Variants in CREB5 observed in about 807,000 individuals in gnomAD.
CREB5 encodes cyclic AMP-responsive element-binding protein 5.
Under a neutral mutation model 57.1 loss-of-function variants are expected in CREB5, and 19 were observed. That is an observed-to-expected ratio of 0.33 (90% CI 0.23 to 0.49). The LOEUF is 0.49. CREB5 is among the 20% of genes least tolerant of loss of function. The pLI is 0.99. For synonymous variants in CREB5, 238 were observed against 238.3 expected, an observed-to-expected ratio of 1.00 and a Z score of 0.01; for missense variants, 579 against 671.6, an observed-to-expected ratio of 0.86 and a Z score of 1.52.
intron 5 of CREB5, among the ~76,000 whole-genome samples, chr7:28,708,012 C>G (rs928742909): frequency 3.3e-5 from 5 of 152,184 alleles, no homozygotes; most frequent in African/African-American, 1.2e-4. Context: ...CACACCTCCC[C>G]CTTCTCCCCA....
intron 5 of CREB5, among the ~76,000 whole-genome samples, chr7:28,658,784 C>A (rs969605523): frequency 6.6e-5 from 10 of 151,678 alleles, no homozygotes; most frequent in Admixed American, 3.3e-4. Context: ...CTGACAGCTG[C>A]TGCACAACTG....
rs554663588 is a variant in CREB5 at position 28,393,792 on chromosome 7, G to A, written c.-25+94351G>A. 2.2e-4 allele frequency among the ~76,000 whole-genome samples: 34 copies of A among 152,074 alleles called. 1 individual carries two copies. The Middle Eastern group carries it at 0.014, about 61-fold the overall frequency. On this transcript the variant is annotated intron_variant, in intron 1 of 9. Transcript: ENST00000396299. ...ATGGTGTAGTGTTAAAGTGGACTTGGGACTGGGCGCGGTGGCTCACGCCTG... is the reference window on the plus strand; with the variant it reads ...ATGGTGTAGTGTTAAAGTGGACTTGAGACTGGGCGCGGTGGCTCACGCCTG...
intron 5 of CREB5, among the ~76,000 whole-genome samples, chr7:28,583,569 A>G (rs1012120164): frequency 2.6e-5 from 4 of 152,216 alleles, no homozygotes; most frequent in African/African-American, 7.2e-5. Context: ...GGCAGGGTAC[A>G]CTTACACATG....
intron 6 of CREB5, 53 bp downstream of exon 6, chr7:28,718,932 C>A: frequency 1.2e-6 from 2 of 1,610,782 alleles, no homozygotes; most frequent in South Asian, 2.2e-5. Context: ...TGAGGTTTGC[C>A]ACTCTTGAAA....
chr7:28,563,160 T>G (rs4719941), intron 4 of CREB5, among the ~76,000 whole-genome samples: 31,091 of 152,098 alleles, frequency 0.2, 3,585 homozygotes, highest in East Asian at 0.48. Flanking sequence ...TGTTAGCCAT[T>G]ATTAATATTA....
At chr7:28,755,313 T>C (rs1265211599) in intron 7 of CREB5, among the ~76,000 whole-genome samples, 1 of 152,216 alleles carries the variant, frequency 6.6e-6, no homozygotes, top group East Asian at 1.9e-4. Context: ...AGGGTATTGG[T>C]GCCGTATTTA....
intron 7 of CREB5, among the ~76,000 whole-genome samples, chr7:28,740,115 G>T (rs1448251448): frequency 1.3e-5 from 2 of 152,182 alleles, no homozygotes; most frequent in Non-Finnish European, 2.9e-5. Context: ...TGATATGTAG[G>T]TTGGAAACTG....
chr7:28,661,990 T>G (rs1458145742), intron 5 of CREB5, among the ~76,000 whole-genome samples: 1 of 152,228 alleles, frequency 6.6e-6, no homozygotes, highest in Non-Finnish European at 1.5e-5. Context: ...TTTGTTTGGA[T>G]CTGTTTCCTG....
chr7:28,696,787 C>CGTATACGTATACGTATATATACACATAT (rs1801589880), intron 5 of CREB5, among the ~76,000 whole-genome samples: 1 of 147,490 alleles, frequency 6.8e-6, no homozygotes, highest in Non-Finnish European at 1.5e-5. Context: ...TATACACATA[C>CGTATACGTATACGTATATATACACATAT]GTATACGTAT....
At chr7:28,645,582 T>G (rs1262118059) in intron 5 of CREB5, among the ~76,000 whole-genome samples, 1 of 152,244 alleles carries the variant, frequency 6.6e-6, no homozygotes, top group African/African-American at 2.4e-5. Flanking sequence ...TCATATGTTA[T>G]GATTGGAGAT....
At chr7:28,495,050 C>G (rs751386174) in intron 3 of CREB5, 51 bp downstream of exon 3, 3 of 1,283,202 alleles carry the variant, frequency 2.3e-6, no homozygotes, top group African/African-American at 3.1e-5. Context: ...CTGTTCCATG[C>G]GAGATACTTG....
At chr7:28,592,508 G>A (rs181424682) in intron 5 of CREB5, among the ~76,000 whole-genome samples, 52 of 152,274 alleles carry the variant, frequency 3.4e-4, no homozygotes, top group African/African-American at 1.1e-3. Context: ...AGGGAGCAAG[G>A]GGGGGTTGAC....
chr7:28,692,903 T>C (rs755747664), intron 5 of CREB5, among the ~76,000 whole-genome samples: 5 of 152,228 alleles, frequency 3.3e-5, no homozygotes, highest in Non-Finnish European at 7.3e-5. Flanking sequence ...ATCCACTCCA[T>C]AGTACGCAAA....
chr7:28,489,296 C>CTT (rs70977046), intron 2 of CREB5, among the ~76,000 whole-genome samples: 44,677 of 96,800 alleles, frequency 0.46, 11,521 homozygotes, highest in South Asian at 0.58. Context: ...GAGGACCCTT[C>CTT]TTTTTTTTTT....
chr7:28,685,148 C>T (rs1372272150), intron 5 of CREB5, among the ~76,000 whole-genome samples: 5 of 152,158 alleles, frequency 3.3e-5, no homozygotes, highest in South Asian at 4.1e-4. Flanking sequence ...CCCCCTCCAG[C>T]GAGTTGAGTT....
At chr7:28,462,310 T>G (rs1790381658) in intron 1 of CREB5, among the ~76,000 whole-genome samples, 1 of 152,224 alleles carries the variant, frequency 6.6e-6, no homozygotes, top group Non-Finnish European at 1.5e-5. Flanking sequence ...TGTTTATCCA[T>G]TCATTAGTTG....
chr7:28,493,956 G>C (rs1791911741), intron 2 of CREB5, among the ~76,000 whole-genome samples: 1 of 152,204 alleles, frequency 6.6e-6, no homozygotes, highest in Non-Finnish European at 1.5e-5. Context: ...AGATTTCACA[G>C]TTACATTTGT....
At chr7:28,301,015 A>G (rs1785090079) in intron 1 of CREB5, among the ~76,000 whole-genome samples, 1 of 152,152 alleles carries the variant, frequency 6.6e-6, no homozygotes, top group African/African-American at 2.4e-5. Flanking sequence ...TTTAAGAACC[A>G]CTGCTCTAGA....
chr7:28,736,006 G>A (rs151249124), intron 7 of CREB5, among the ~76,000 whole-genome samples: 2 of 152,016 alleles, frequency 1.3e-5, no homozygotes, highest in African/African-American at 4.8e-5. Context: ...GTCTCGCGAT[G>A]TTGACCAGTC....
Sources: allele counts gnomAD v4.1 joint callset (sites outside exome capture counted in the v4.1 genomes callset), GRCh38; gene constraint gnomAD v4.1.1; transcripts MANE v1.5; gene names NCBI Gene and HGNC (gene_info 2026-07-23, HGNC 2026-07-21).